PDE4B: variants seen among roughly 807,000 people sequenced by gnomAD.
PDE4B encodes the protein 3',5'-cyclic-AMP phosphodiesterase 4B.
In PDE4B, 20 loss-of-function variants were observed where a neutral mutation model predicts 82.2. The ratio of observed to expected loss-of-function variants is 0.24; its 90% CI spans 0.17 to 0.35. The LOEUF is 0.35. Ranked by LOEUF, PDE4B falls within the 10% of genes least tolerant of loss-of-function variation. PDE4B has a pLI of 1.00. For synonymous variants in PDE4B, 320 were observed against 318.9 expected (o/e 1.00, Z -0.04); for missense variants, 655 against 907.2 (o/e 0.72, Z 3.57).
At chr1:66,283,953 C>T (rs1400181320) in intron 7 of PDE4B, among the ~76,000 whole-genome samples, 1 of 152,130 alleles carries the variant, frequency 6.6e-6, no homozygotes, top group Admixed American at 6.6e-5. Context: ...CCTAAAAGCA[C>T]CTGGCGAGTA....
At chr1:66,301,484 T>C (rs494735) in intron 7 of PDE4B, among the ~76,000 whole-genome samples, 66,008 of 151,716 alleles carry the variant, frequency 0.44, 16,278 homozygotes, top group Non-Finnish European at 0.56. Flanking sequence ...AGAGGCTTAA[T>C]GACTTGCCAG....
chr1:66,022,238 A>G (rs1227202465), intron 3 of PDE4B, among the ~76,000 whole-genome samples: 4 of 152,170 alleles, frequency 2.6e-5, no homozygotes, highest in African/African-American at 7.2e-5. Flanking sequence ...TAAATATACA[A>G]TCATGTCATC....
intron 3 of PDE4B, among the ~76,000 whole-genome samples, chr1:66,102,521 G>A (rs58910457): frequency 0.024 from 3,606 of 152,122 alleles, 133 homozygotes; most frequent in African/African-American, 0.083. Flanking sequence ...TGCCATTAAG[G>A]CCTTTTAATC....
At chr1:66,160,345 T>G (rs905607209) in intron 3 of PDE4B, among the ~76,000 whole-genome samples, 1 of 152,234 alleles carries the variant, frequency 6.6e-6, no homozygotes, top group Non-Finnish European at 1.5e-5. Context: ...GGCTTCCTCA[T>G]TTGCTTATGT....
At chr1:65,844,851 GT>G (rs1646251241) in intron 1 of PDE4B, among the ~76,000 whole-genome samples, 1 of 152,154 alleles carries the variant, frequency 6.6e-6, no homozygotes, top group African/African-American at 2.4e-5. Context: ...TGGGCCAATT[GT>G]TTTTATTACA....
At chr1:66,212,607 T>G (rs1650150199) in intron 3 of PDE4B, among the ~76,000 whole-genome samples, 1 of 152,168 alleles carries the variant, frequency 6.6e-6, no homozygotes, top group Admixed American at 6.5e-5. Context: ...CATTTAAATT[T>G]TATTGTCTTT....
chr1:66,131,481 G>A (rs1224582959), intron 3 of PDE4B, among the ~76,000 whole-genome samples: 1 of 149,730 alleles, frequency 6.7e-6, no homozygotes. Flanking sequence ...CTGTACATAA[G>A]AGAGAAAATG....
At chr1:66,177,407 TAGAG>T (rs1404670927) in intron 3 of PDE4B, among the ~76,000 whole-genome samples, 2 of 152,186 alleles carry the variant, frequency 1.3e-5, no homozygotes, top group Non-Finnish European at 2.9e-5. Context: ...ATGTGTGTGT[TAGAG>T]AGAGTTGTAA....
intron 3 of PDE4B, among the ~76,000 whole-genome samples, chr1:65,969,509 A>C (rs1332555998): frequency 1.3e-5 from 2 of 152,180 alleles, no homozygotes; most frequent in Admixed American, 6.6e-5. Flanking sequence ...AATTTGCTAG[A>C]GAATCAATTA....
intron 3 of PDE4B, among the ~76,000 whole-genome samples, chr1:65,984,019 A>C (rs1347103562): frequency 1.3e-5 from 2 of 152,192 alleles, no homozygotes; most frequent in Non-Finnish European, 2.9e-5. Context: ...TTCACACAAA[A>C]ACCTGTACAC....
At chr1:65,856,995 TACAA>T (rs1303647354) in intron 1 of PDE4B, among the ~76,000 whole-genome samples, 1 of 152,198 alleles carries the variant, frequency 6.6e-6, no homozygotes, top group Non-Finnish European at 1.5e-5. Flanking sequence ...TCTTTGATGG[TACAA>T]TTGAAATTCT....
chr1:66,338,297 A>G (rs78780738), intron 8 of PDE4B, among the ~76,000 whole-genome samples: 18 of 152,184 alleles, frequency 1.2e-4, no homozygotes, highest in Non-Finnish European at 1.8e-4. Context: ...GAAAGAAAAA[A>G]GTTTAGAGTT....
chr1:65,953,832 T>C (rs1030173242), intron 3 of PDE4B, among the ~76,000 whole-genome samples: 1 of 152,086 alleles, frequency 6.6e-6, no homozygotes, highest in African/African-American at 2.4e-5. Context: ...TAACAAATGG[T>C]CTTTGAATGA....
At chr1:65,867,002 T>A (rs1177683714) in intron 1 of PDE4B, among the ~76,000 whole-genome samples, 2 of 152,172 alleles carry the variant, frequency 1.3e-5, no homozygotes, top group Non-Finnish European at 2.9e-5. Context: ...ATTTCTAACT[T>A]TTAGAGGTGT....
At chr1:66,368,224 T>C (rs1437243266) in intron 15 of PDE4B, 159 bp downstream of exon 15, 2 of 618,330 alleles carry the variant, frequency 3.2e-6, no homozygotes, top group Non-Finnish European at 5.3e-6. Context: ...AAAATGGACA[T>C]TCAAGTTTAT....
intron 2 of PDE4B, among the ~76,000 whole-genome samples, chr1:65,916,662 TG>T (rs1372744302): frequency 6.6e-6 from 1 of 152,182 alleles, no homozygotes; most frequent in Admixed American, 6.5e-5. Flanking sequence ...TTATATATTT[TG>T]TCTCCTAAAG....
chr1:65,990,874 T>C (rs1651205236), intron 3 of PDE4B, among the ~76,000 whole-genome samples: 1 of 152,210 alleles, frequency 6.6e-6, no homozygotes, highest in East Asian at 1.9e-4. Context: ...CTTTTGTTCA[T>C]AATATATTTT....
chr1:65,876,659 A>G (rs957809769), intron 1 of PDE4B, among the ~76,000 whole-genome samples: 13 of 152,130 alleles, frequency 8.5e-5, no homozygotes, highest in Admixed American at 2.0e-4. Context: ...ATAAATTTTC[A>G]TAATTTATGA....
In PDE4B at chr1:66,207,796, C is replaced by T. The variant is rs573277487; in HGVS notation, c.282-39664C>T. ...CCAGGCAGAAATTATATAATTATTC[C>T]TCCTGGATGGATCTTCTCATTCGTT... On this transcript the variant is annotated intron_variant, in intron 3 of 16. Transcript: ENST00000341517. Among the ~76,000 whole-genome samples, 8 of 152,268 alleles carry T rather than the reference C, an allele frequency of 5.3e-5. No individual in the cohort carries two copies. In the South Asian group the frequency reaches 1.7e-3, roughly 32 times the overall value.
Sources: gnomAD v4.1 joint callset for allele counts (sites outside exome capture counted in the v4.1 genomes callset) on GRCh38, gnomAD v4.1.1 for gene constraint, MANE v1.5 for transcripts, NCBI Gene and HGNC (gene_info 2026-07-23, HGNC 2026-07-21) for gene names.